Variants in WIPF2 observed in about 807,000 individuals in gnomAD.
WIPF2 encodes WAS/WASL-interacting protein family member 2.
In WIPF2, 23 loss-of-function variants were observed where a neutral mutation model predicts 38.8. The observed-to-expected ratio is 0.59, with a 90% CI of 0.43 to 0.84. The LOEUF (loss-of-function observed/expected upper bound fraction) is 0.84. WIPF2 is among the 40% of genes least tolerant of loss of function. The pLI is 0.00. For missense variants in WIPF2, 574 were observed against 580.5 expected, an observed-to-expected ratio of 0.99 and a Z score of 0.11; for synonymous variants, 210 against 223.2, an observed-to-expected ratio of 0.94 and a Z score of 0.53.
chr17:40,263,559 C>A (rs959784889), intron 4 of WIPF2, among the ~76,000 whole-genome samples: 6 of 126,026 alleles, frequency 4.8e-5, no homozygotes, highest in African/African-American at 9.7e-5. Flanking sequence ...CCCCCCCCCC[C>A]GCAAATGGAG....
chr17:40,273,419 T>TA (rs757055684), intron 5 of WIPF2, among the ~76,000 whole-genome samples: 8 of 152,140 alleles, frequency 5.3e-5, no homozygotes, highest in Non-Finnish European at 1.0e-4. Flanking sequence ...GAGTTGGTGT[T>TA]ATGCAAAATG....
intron 1 of WIPF2, among the ~76,000 whole-genome samples, chr17:40,249,679 C>G (rs955120126): frequency 1.3e-5 from 2 of 151,856 alleles, no homozygotes; most frequent in African/African-American, 4.8e-5. Flanking sequence ...TCTTGAACTC[C>G]TGACCTCAGG....
At chr17:40,220,090 G>A (rs1280840478) in intron 1 of WIPF2, among the ~76,000 whole-genome samples, 1 of 152,056 alleles carries the variant, frequency 6.6e-6, no homozygotes, top group Non-Finnish European at 1.5e-5. Flanking sequence ...GCATTGGAAC[G>A]TCTGGAGTTG....
intron 1 of WIPF2, among the ~76,000 whole-genome samples, chr17:40,220,215 G>A (rs1047111781): frequency 6.6e-6 from 1 of 151,664 alleles, no homozygotes; most frequent in African/African-American, 2.4e-5. Context: ...GGGCTCAAGC[G>A]ATCTTCCCAC....
intron 1 of WIPF2, among the ~76,000 whole-genome samples, chr17:40,237,934 C>T (rs937023509): frequency 6.8e-6 from 1 of 147,086 alleles, no homozygotes; most frequent in Non-Finnish European, 1.5e-5. Flanking sequence ...GGTGTGGTGA[C>T]GTGCGCCTGT....
intron 4 of WIPF2, among the ~76,000 whole-genome samples, chr17:40,263,469 G>A (rs1008564606): frequency 2.6e-5 from 4 of 151,500 alleles, no homozygotes; most frequent in Admixed American, 6.6e-5. Context: ...AGGGGTTGGC[G>A]ACCCCTTATT....
At chr17:40,268,536 ATTC>A (rs1259303208) in intron 5 of WIPF2, among the ~76,000 whole-genome samples, 2 of 151,532 alleles carry the variant, frequency 1.3e-5, no homozygotes, top group East Asian at 3.9e-4. Context: ...CCACTTTTCC[ATTC>A]TTTCTCTGTG....
intron 1 of WIPF2, among the ~76,000 whole-genome samples, chr17:40,254,207 G>A (rs1418437110): frequency 2.0e-5 from 3 of 152,014 alleles, no homozygotes; most frequent in Non-Finnish European, 4.4e-5. Flanking sequence ...GGTAGAGATG[G>A]GATTTCACCA....
In WIPF2 at chr17:40,238,303, T is replaced by C. The variant is rs2031057142; in HGVS notation, c.-69-18088T>C. On this transcript the variant is annotated intron_variant, in intron 1 of 7. Coordinates refer to ENST00000323571, the MANE Select transcript of WIPF2 (RefSeq NM_133264.5). ...TTAGCTGCTTATTCAATTTTTATTA[T>C]TTATTTGTTTATTTATTTGAGATGG... Among the ~76,000 whole-genome samples, 4 of 152,174 alleles carry C rather than the reference T, an allele frequency of 2.6e-5. No individual in the cohort carries two copies. In the South Asian group the frequency reaches 6.2e-4, roughly 24 times the overall value.
At chr17:40,262,736 G>C (rs543272948) in intron 4 of WIPF2, 95 bp downstream of exon 4, 134 of 989,190 alleles carry the variant, frequency 1.4e-4, no homozygotes, top group Non-Finnish European at 1.8e-4. Flanking sequence ...TGGTAGAGGT[G>C]GGGGGAAGAA....
At chr17:40,257,315 C>T (rs1253518950) in intron 2 of WIPF2, among the ~76,000 whole-genome samples, 4 of 152,074 alleles carry the variant, frequency 2.6e-5, no homozygotes, top group Non-Finnish European at 5.9e-5. Context: ...ACCACTTCAT[C>T]ATCTCTTCTA....
intron 1 of WIPF2, among the ~76,000 whole-genome samples, chr17:40,242,987 AT>A (rs2031243841): frequency 6.6e-6 from 1 of 152,158 alleles, no homozygotes; most frequent in Non-Finnish European, 1.5e-5. Context: ...TGGCTTTTGC[AT>A]TAGTTATTCC....
chr17:40,222,440 T>C (rs2030277616), intron 1 of WIPF2, among the ~76,000 whole-genome samples: 1 of 150,742 alleles, frequency 6.6e-6, no homozygotes, highest in South Asian at 2.1e-4. Flanking sequence ...GTGGATCACC[T>C]GAGATTGCAG....
chr17:40,274,447 C>T (rs2032329039), intron 6 of WIPF2, among the ~76,000 whole-genome samples: 1 of 150,070 alleles, frequency 6.7e-6, no homozygotes, highest in South Asian at 2.1e-4. Context: ...GTCTCTGTTG[C>T]CCAGGCCGCT....
intron 1 of WIPF2, among the ~76,000 whole-genome samples, chr17:40,239,046 TTTTATTTATTTA>T (rs57564513): frequency 1.8e-3 from 251 of 138,810 alleles, no homozygotes; most frequent in Admixed American, 4.4e-3. Context: ...GTTTATTTTA[TTTTATTTATTTA>T]TTTATTTATT....
chr17:40,240,515 T>G (rs76219024), intron 1 of WIPF2, among the ~76,000 whole-genome samples: 48 of 143,648 alleles, frequency 3.3e-4, no homozygotes, highest in African/African-American at 1.2e-3. Context: ...CAGTGTTTTG[T>G]TTTTTTTTTT....
intron 1 of WIPF2, among the ~76,000 whole-genome samples, chr17:40,248,100 T>TTG (rs2031430077): frequency 6.6e-6 from 1 of 151,624 alleles, no homozygotes; most frequent in Non-Finnish European, 1.5e-5. Context: ...GGTTGTTGTA[T>TTG]TGAAAGGTTG....
At chr17:40,263,017 A>C (rs1484275272) in intron 4 of WIPF2, among the ~76,000 whole-genome samples, 1 of 152,164 alleles carries the variant, frequency 6.6e-6, no homozygotes, top group African/African-American at 2.4e-5. Context: ...TCACTCGTAG[A>C]AGTAGAGAGT....
intron 1 of WIPF2, among the ~76,000 whole-genome samples, 173 bp from the exon 2 acceptor site, chr17:40,256,218 C>A (rs906723989): frequency 6.6e-6 from 1 of 151,518 alleles, no homozygotes; most frequent in Non-Finnish European, 1.5e-5. Context: ...TAGGAAATTG[C>A]AAATTAAAAC....
Sources: gnomAD v4.1 joint callset for allele counts (sites outside exome capture counted in the v4.1 genomes callset) on GRCh38, gnomAD v4.1.1 for gene constraint, MANE v1.5 for transcripts, NCBI Gene and HGNC (gene_info 2026-07-23, HGNC 2026-07-21) for gene names.